The following FRK variants were observed in gnomAD, a reference collection of about 807,000 sequenced individuals.
The protein encoded by FRK is tyrosine-protein kinase FRK.
A neutral mutation model predicts 56.4 loss-of-function variants in FRK; 51 were observed. The observed-to-expected ratio is 0.90, with a 90% CI of 0.72 to 1.14. FRK has a LOEUF of 1.14. FRK is among the 50% of genes most tolerant of loss of function. The probability of loss-of-function intolerance (pLI) is 0.00; values close to 1 mark genes in which losing one functional copy is unlikely to be tolerated. For missense variants in FRK, 570 were observed against 601.4 expected (o/e 0.95, Z 0.55); for synonymous variants, 245 against 217.9 (o/e 1.12, Z -1.10).
At chr6:115,947,969 A>C (rs1772534483) in intron 5 of FRK, among the ~76,000 whole-genome samples, 1 of 152,174 alleles carries the variant, frequency 6.6e-6, no homozygotes, top group Admixed American at 6.5e-5. Flanking sequence ...GTACCTCCTG[A>C]TATTCAAGCC....
intron 1 of FRK, among the ~76,000 whole-genome samples, chr6:116,051,624 A>C (rs1191272280): frequency 2.0e-5 from 3 of 152,130 alleles, no homozygotes; most frequent in Non-Finnish European, 4.4e-5. Flanking sequence ...AGGCTTTAGG[A>C]AAATATCTGT....
intron 2 of FRK, among the ~76,000 whole-genome samples, chr6:115,992,616 A>G (rs1317663577): frequency 6.6e-6 from 1 of 151,878 alleles, no homozygotes; most frequent in Non-Finnish European, 1.5e-5. Flanking sequence ...GTTATAAAGA[A>G]AACACTTCAA....
Position 115,931,302 on chromosome 6 carries a change from TAATTTCAAGAA to T in FRK, c.*11101_*11111del. 1 of 152,262 alleles carries T rather than the reference TAATTTCAAGAA, an allele frequency of 6.6e-6. No homozygotes were observed. Among genetic ancestry groups the T allele is most frequent in the South Asian group, 2.1e-4 (1 of 4,828 alleles). 9.4% of individuals were successfully genotyped at this position (152,262 alleles called of 1,614,324 possible). Reference sequence around the variant, plus strand: ...AAAATAGAATACATAGGGCAAAATATAATTTCAAGAAAAACCATTGCCTTAATATTTTAAAG... The same window carrying T: ...AAAATAGAATACATAGGGCAAAATATAAACCATTGCCTTAATATTTTAAAG... On this transcript the variant is annotated 3_prime_UTR_variant, in exon 8 of 8. Coordinates refer to ENST00000606080, the MANE Select transcript of FRK (RefSeq NM_002031.3).
At chr6:115,984,349 G>A (rs552390645) in intron 2 of FRK, among the ~76,000 whole-genome samples, 1 of 152,108 alleles carries the variant, frequency 6.6e-6, no homozygotes, top group East Asian at 1.9e-4. Flanking sequence ...CTTATTGTAT[G>A]TCAAACATGG....
chr6:115,934,324 T>G lies in FRK; in HGVS notation c.*8090A>C, dbSNP rs1232546762. 1 of 152,150 alleles carries G rather than the reference T, an allele frequency of 6.6e-6. No individual in the cohort carries two copies. The highest frequency in any genetic ancestry group is 1.5e-5 in the Non-Finnish European group (1 of 68,032). 9.4% of individuals were successfully genotyped at this position (152,150 alleles called of 1,614,324 possible). A position where few individuals can be genotyped will look rare whatever the true frequency, so the allele number is the denominator to read the frequency against. On this transcript the variant is annotated 3_prime_UTR_variant, in exon 8 of 8. Transcript: ENST00000606080. The stretch of plus-strand genomic sequence containing the variant: ...TTTTAATCCAATCAGCACATAACAT[T>G]CACATTAAGCCTATTTTTGGTCCAT...
chr6:116,023,836 A>T (rs1230062327), intron 1 of FRK, among the ~76,000 whole-genome samples: 1 of 152,178 alleles, frequency 6.6e-6, no homozygotes, highest in Admixed American at 6.6e-5. Flanking sequence ...ATCAAATTCC[A>T]TTGAAATGTA....
At chr6:116,059,463 C>T (rs554507070) in intron 1 of FRK, among the ~76,000 whole-genome samples, 18 of 152,070 alleles carry the variant, frequency 1.2e-4, no homozygotes, top group African/African-American at 4.1e-4. Flanking sequence ...TAAGTGTTGT[C>T]TTCTACATTA....
chr6:116,033,959 GC>G (rs1776383142), intron 1 of FRK, among the ~76,000 whole-genome samples: 1 of 152,056 alleles, frequency 6.6e-6, no homozygotes, highest in Non-Finnish European at 1.5e-5. Flanking sequence ...GAAGGAAGAG[GC>G]AAAGCAATGT....
intron 1 of FRK, among the ~76,000 whole-genome samples, chr6:116,029,835 CT>C (rs1160040470): frequency 1.3e-5 from 2 of 152,108 alleles, no homozygotes; most frequent in African/African-American, 4.8e-5. Context: ...TCATCATCAT[CT>C]ATCTAAAAAT....
At chr6:116,078,263 A>G in the FRK span, among the ~76,000 whole-genome samples, 48 of 152,030 alleles carry the variant, frequency 3.2e-4, 1 homozygote, top group Non-Finnish European at 6.5e-4. Flanking sequence ...ACGTGGGAGG[A>G]TTTGTTAGAG....
intron 1 of FRK, among the ~76,000 whole-genome samples, chr6:116,024,185 G>A (rs1385821278): frequency 6.6e-6 from 1 of 151,586 alleles, no homozygotes; most frequent in Non-Finnish European, 1.5e-5. Context: ...GAGTTACTTG[G>A]GGAGAATATC....
the FRK span, among the ~76,000 whole-genome samples, chr6:116,091,723 G>A: frequency 1.2e-4 from 18 of 152,304 alleles, no homozygotes; most frequent in Admixed American, 2.6e-4. Context: ...TCAGACTGAA[G>A]ACAGGGGTGT....
intron 2 of FRK, among the ~76,000 whole-genome samples, chr6:115,972,953 C>T (rs973644113): frequency 6.6e-6 from 1 of 152,156 alleles, no homozygotes; most frequent in Admixed American, 6.6e-5. Context: ...AGAAGACACA[C>T]CTCCAGTTCA....
chr6:115,972,560 C>G (rs967481504), intron 2 of FRK, among the ~76,000 whole-genome samples: 6 of 152,188 alleles, frequency 3.9e-5, no homozygotes, highest in African/African-American at 1.4e-4. Flanking sequence ...AATTCTTCCT[C>G]CATTCCACTC....
At chr6:116,094,351 T>C in the FRK span, among the ~76,000 whole-genome samples, 1 of 152,174 alleles carries the variant, frequency 6.6e-6, no homozygotes, top group African/African-American at 2.4e-5. Context: ...GGCCAGAAAA[T>C]TGACTTCCTC....
chr6:116,056,987 T>C (rs1263246133), intron 1 of FRK, among the ~76,000 whole-genome samples: 2 of 152,220 alleles, frequency 1.3e-5, no homozygotes, highest in Non-Finnish European at 2.9e-5. Flanking sequence ...CTTCCAAGTA[T>C]AAAAGAAAAC....
Position 116,060,118 on chromosome 6 carries a change from G to A in FRK, c.194C>T (p.Ala65Val). ...GTCCAGAACTTGAAGTTTGTCACCTGCTCGGAAGCTCAAGTCCTCAGCAGT... is the reference window on the plus strand; with the variant it reads ...GTCCAGAACTTGAAGTTTGTCACCTACTCGGAAGCTCAAGTCCTCAGCAGT... The part of the protein sequence containing the change: ...ARTAEDLSFR[A>V]GDKLQVLDTL... The change falls in exon 1 of 8, where the codon GCA (alanine) becomes GTA (valine). Residue 65 changes from alanine to valine, a missense_variant. Coordinates refer to ENST00000606080, the MANE Select transcript of FRK (RefSeq NM_002031.3). 2 of 1,614,172 alleles carry A rather than the reference G, an allele frequency of 1.2e-6. No individual in the cohort carries two copies. Among genetic ancestry groups the A allele is most frequent in the Non-Finnish European group, 1.7e-6 (2 of 1,180,032 alleles).
At chr6:116,024,590 T>G (rs1776014347) in intron 1 of FRK, among the ~76,000 whole-genome samples, 1 of 152,156 alleles carries the variant, frequency 6.6e-6, no homozygotes, top group Non-Finnish European at 1.5e-5. Context: ...ACAAAGGACA[T>G]GAACTCATCA....
the FRK span, among the ~76,000 whole-genome samples, chr6:116,069,044 AAT>A: frequency 6.6e-6 from 1 of 152,160 alleles, no homozygotes; most frequent in African/African-American, 2.4e-5. Flanking sequence ...CCTTTCCTAA[AAT>A]ATAGTTATCC....
Sources: gnomAD v4.1 joint callset for allele counts (sites outside exome capture counted in the v4.1 genomes callset) on GRCh38, gnomAD v4.1.1 for gene constraint, MANE v1.5 for transcripts, NCBI Gene and HGNC (gene_info 2026-07-23, HGNC 2026-07-21) for gene names.